The following ABLIM1 variants were observed in gnomAD, a reference collection of about 807,000 sequenced individuals.
The protein encoded by ABLIM1 is actin binding LIM protein 1.
ABLIM1 carries 40 observed loss-of-function variants against 107.0 expected under a neutral mutation model. The ratio of observed to expected loss-of-function variants is 0.37; its 90% CI spans 0.29 to 0.49. ABLIM1 has a LOEUF of 0.49. Ranked by LOEUF, ABLIM1 falls within the 20% of genes least tolerant of loss-of-function variation. The pLI, the probability that ABLIM1 is intolerant of heterozygous loss-of-function variation, is 0.97. For missense variants in ABLIM1, 857 were observed against 1,008.5 expected, an observed-to-expected ratio of 0.85 and a Z score of 2.04; for synonymous variants, 357 against 357.3, an observed-to-expected ratio of 1.00 and a Z score of 0.01.
intron 1 of ABLIM1, among the ~76,000 whole-genome samples, chr10:114,622,220 C>T (rs2077509980): frequency 6.6e-6 from 1 of 151,596 alleles, no homozygotes; most frequent in African/African-American, 2.4e-5. Flanking sequence ...ACCTTGCCAC[C>T]TTTTCCTATC....
intron 11 of ABLIM1, among the ~76,000 whole-genome samples, chr10:114,467,797 C>T (rs1190048633): frequency 2.0e-5 from 3 of 152,158 alleles, no homozygotes; most frequent in Admixed American, 6.5e-5. Flanking sequence ...ATCAAGATGG[C>T]TCTGCTTATA....
At chr10:114,486,710 G>GC (rs962355461) in intron 8 of ABLIM1, among the ~76,000 whole-genome samples, 1 of 150,898 alleles carries the variant, frequency 6.6e-6, no homozygotes, top group Non-Finnish European at 1.5e-5. Flanking sequence ...GAGAAAAAGT[G>GC]TTTTTTTTTC....
At chr10:114,503,399 C>T (rs2060691794) in intron 6 of ABLIM1, among the ~76,000 whole-genome samples, 1 of 151,974 alleles carries the variant, frequency 6.6e-6, no homozygotes, top group Admixed American at 6.5e-5. Flanking sequence ...TGCAGTGAGC[C>T]GTGATCATGC....
chr10:114,757,664 T>A (rs116662600), intron 1 of ABLIM1, among the ~76,000 whole-genome samples: 3,815 of 152,310 alleles, frequency 0.025, 74 homozygotes, highest in Middle Eastern at 0.048. Flanking sequence ...CAAGCCACCA[T>A]CTTCTCTTAT....
chr10:114,621,130 T>A (rs2077440377), intron 1 of ABLIM1, among the ~76,000 whole-genome samples: 1 of 152,216 alleles, frequency 6.6e-6, no homozygotes, highest in Admixed American at 6.5e-5. Context: ...TTGAGTCCCT[T>A]TCTCGCCATC....
At chr10:114,574,216 T>C (rs2072133161) in intron 3 of ABLIM1, among the ~76,000 whole-genome samples, 1 of 151,960 alleles carries the variant, frequency 6.6e-6, no homozygotes, top group Admixed American at 6.5e-5. Flanking sequence ...GCATAGCAAA[T>C]AGATCTCCAC....
At chr10:114,792,886 T>G in the ABLIM1 span, among the ~76,000 whole-genome samples, 1 of 152,190 alleles carries the variant, frequency 6.6e-6, no homozygotes, top group Admixed American at 6.5e-5. Context: ...GTGCAGTGGC[T>G]CATGCCTGTA....
At chr10:114,751,748 C>CAA (rs34322728) in intron 1 of ABLIM1, among the ~76,000 whole-genome samples, 2 of 118,332 alleles carry the variant, frequency 1.7e-5, no homozygotes, top group Admixed American at 8.9e-5. Flanking sequence ...GACTCTGTCT[C>CAA]AAAAAAAAAA....
chr10:114,648,387 G>A (rs973236367), intron 1 of ABLIM1, among the ~76,000 whole-genome samples: 1 of 152,166 alleles, frequency 6.6e-6, no homozygotes, highest in African/African-American at 2.4e-5. Flanking sequence ...CCGCCTCGAT[G>A]AGCCTTAAAA....
At chr10:114,460,647 T>C (rs1328303365) in intron 12 of ABLIM1, among the ~76,000 whole-genome samples, 1 of 152,180 alleles carries the variant, frequency 6.6e-6, no homozygotes, top group Admixed American at 6.5e-5. Flanking sequence ...CTGACCAAGG[T>C]GGGTGTGCCC....
Position 114,619,888 on chromosome 10 carries a change from A to G in ABLIM1, c.245-17927T>C, listed in dbSNP as rs2140406809. Reference sequence around the variant, plus strand: ...TTGTATCAAGCACCCAAGACAGATGACACCAAATTCCGGCCAACTTCTGTT... The same window carrying G: ...TTGTATCAAGCACCCAAGACAGATGGCACCAAATTCCGGCCAACTTCTGTT... On this transcript the variant is annotated intron_variant, in intron 1 of 22. Coordinates refer to ENST00000533213, the MANE Select transcript of ABLIM1 (RefSeq NM_002313.7). The surrounding 1 kb of genome is among the most constrained non-coding windows in gnomAD (Gnocchi z 4.1). 6.6e-6 allele frequency among the ~76,000 whole-genome samples: 1 copy of G among 152,356 alleles called. No homozygotes were observed. Among genetic ancestry groups the G allele is most frequent in the East Asian group, 1.9e-4 (1 of 5,188 alleles).
At chr10:114,538,301 T>C (rs1458423118) in intron 6 of ABLIM1, among the ~76,000 whole-genome samples, 2 of 152,202 alleles carry the variant, frequency 1.3e-5, no homozygotes, top group African/African-American at 4.8e-5. Context: ...GTGATTCCAT[T>C]TCCTTCACCC....
intron 1 of ABLIM1, among the ~76,000 whole-genome samples, chr10:114,704,255 A>ACTCTCTCT (rs2081360777): frequency 1.3e-5 from 1 of 75,894 alleles, no homozygotes; most frequent in Non-Finnish European, 2.8e-5. Context: ...TCTCTCTGAC[A>ACTCTCTCT]CTCTATCTCT....
At chr10:114,787,486 G>A in the ABLIM1 span, among the ~76,000 whole-genome samples, 1 of 148,540 alleles carries the variant, frequency 6.7e-6, no homozygotes, top group East Asian at 2.0e-4. Flanking sequence ...ACTGGGAAGT[G>A]AGGAGCCCCT....
intron 8 of ABLIM1, among the ~76,000 whole-genome samples, chr10:114,487,335 G>A (rs1350831526): frequency 6.6e-6 from 1 of 152,206 alleles, no homozygotes; most frequent in Non-Finnish European, 1.5e-5. Context: ...CCTAGCCCGT[G>A]TGAAAAATAG....
rs4752021 is a variant in ABLIM1, at chr10:114,602,058, C to T, written c.245-97G>A. The stretch of plus-strand genomic sequence containing the variant: ...TGTAATTTTGGTGTCAAATGAGCCA[C>T]AGAGATTGATTCGACAGTGTGAACA... On this transcript the variant is annotated intron_variant, in intron 1 of 22. Transcript: ENST00000533213. 5.6e-3 allele frequency: 8,322 copies of T among 1,499,326 alleles called. 603 individuals carry two copies. In the Admixed American group the frequency reaches 0.13, roughly 24 times the overall value. The allele number at this position is 1,499,326 out of a possible 1,614,324, so 92.9% of individuals were successfully genotyped here.
chr10:114,631,504 G>A (rs1243191535), intron 1 of ABLIM1, among the ~76,000 whole-genome samples: 1 of 152,160 alleles, frequency 6.6e-6, no homozygotes, highest in Non-Finnish European at 1.5e-5. Context: ...CAGCCCAGCC[G>A]TGGCAGGAAG....
At chr10:114,744,067 T>C (rs1267330639) in intron 1 of ABLIM1, among the ~76,000 whole-genome samples, 3 of 152,174 alleles carry the variant, frequency 2.0e-5, no homozygotes, top group Admixed American at 6.5e-5. Flanking sequence ...GGCGTGGGCG[T>C]AGAAGCAGAA....
upstream of ABLIM1, among the ~76,000 whole-genome samples, chr10:114,689,139 G>C (rs989453908): frequency 1.3e-5 from 2 of 152,082 alleles, no homozygotes; most frequent in African/African-American, 2.4e-5. Flanking sequence ...ACTGTACAGG[G>C]CAGTTTATCA....
Sources: allele counts gnomAD v4.1 joint callset (sites outside exome capture counted in the v4.1 genomes callset), GRCh38; gene constraint gnomAD v4.1.1; non-coding constraint Gnocchi (gnomAD v3.1); transcripts MANE v1.5; gene names NCBI Gene and HGNC (gene_info 2026-07-23, HGNC 2026-07-21).